Variants in SUGCT observed in about 807,000 individuals in gnomAD.
SUGCT encodes the protein succinyl-CoA:glutarate CoA-transferase.
SUGCT carries 41 observed loss-of-function variants against 55.0 expected under a neutral mutation model. The observed-to-expected ratio is 0.74, with a 90% CI of 0.58 to 0.97. SUGCT has a LOEUF of 0.97. SUGCT is among the 50% of genes least tolerant of loss of function. SUGCT has a pLI of 0.00. For missense variants in SUGCT, 568 were observed against 547.8 expected (o/e 1.04, Z -0.37); for synonymous variants, 187 against 200.4 (o/e 0.93, Z 0.56).
intron 9 of SUGCT, among the ~76,000 whole-genome samples, chr7:40,422,661 A>G (rs1156234652): frequency 6.6e-6 from 1 of 152,178 alleles, no homozygotes; most frequent in South Asian, 2.1e-4. Flanking sequence ...TAGGCACTCA[A>G]TGAATATTTG....
At chr7:40,336,291 T>A (rs1297745311) in intron 9 of SUGCT, among the ~76,000 whole-genome samples, 1 of 152,176 alleles carries the variant, frequency 6.6e-6, no homozygotes, top group Non-Finnish European at 1.5e-5. Context: ...CTCCTTCTTT[T>A]TCTGTTGTTT....
chr7:40,337,708 C>G (rs1197797613), intron 9 of SUGCT, among the ~76,000 whole-genome samples: 1 of 152,148 alleles, frequency 6.6e-6, no homozygotes, highest in East Asian at 1.9e-4. Context: ...ATCCAATTTG[C>G]CAGTCTGTGT....
In SUGCT at chr7:40,674,889, G is replaced by C. The variant is rs564223191; in HGVS notation, c.1090-74545G>C. Reference sequence around the variant, plus strand: ...GAGAAGTTCTGCCGTCCATGATGCAGAAGGTGGAGGTGAGTGCTGTATATT... The same window carrying C: ...GAGAAGTTCTGCCGTCCATGATGCACAAGGTGGAGGTGAGTGCTGTATATT... On this transcript the variant is annotated intron_variant, in intron 12 of 13. Coordinates refer to ENST00000335693, the MANE Select transcript of SUGCT (RefSeq NM_001193313.2). Among the ~76,000 whole-genome samples, 5 of 152,220 alleles carry C rather than the reference G, an allele frequency of 3.3e-5. No homozygotes were observed. The South Asian group carries it at 1.0e-3, about 32-fold the overall frequency.
At chr7:40,590,733 A>C (rs954391556) in intron 12 of SUGCT, among the ~76,000 whole-genome samples, 2 of 152,152 alleles carry the variant, frequency 1.3e-5, no homozygotes. Flanking sequence ...TGGTTACTTT[A>C]AGGTGGAGCC....
At chr7:40,324,101 G>A (rs1157584393) in intron 9 of SUGCT, among the ~76,000 whole-genome samples, 2 of 151,692 alleles carry the variant, frequency 1.3e-5, no homozygotes, top group Non-Finnish European at 2.9e-5. Flanking sequence ...CCTATATATA[G>A]ATCACTGCAT....
At chr7:40,738,916 A>C (rs1787317359) in intron 12 of SUGCT, among the ~76,000 whole-genome samples, 1 of 152,224 alleles carries the variant, frequency 6.6e-6, no homozygotes, top group African/African-American at 2.4e-5. Flanking sequence ...ATTAGGAACA[A>C]GATAAAAATG....
chr7:40,355,010 C>CATTACGAG (rs1797821772), intron 9 of SUGCT, among the ~76,000 whole-genome samples: 1 of 152,072 alleles, frequency 6.6e-6, no homozygotes, highest in Non-Finnish European at 1.5e-5. Context: ...ATTGGGAAAT[C>CATTACGAG]GTACCTCAGT....
the SUGCT span, among the ~76,000 whole-genome samples, chr7:40,897,345 AACT>A: frequency 9.2e-5 from 14 of 152,126 alleles, no homozygotes; most frequent in Non-Finnish European, 8.8e-5. Context: ...AATAGAATTA[AACT>A]ACTGATATTT....
At chr7:40,254,686 C>A (rs1241463843) in intron 7 of SUGCT, among the ~76,000 whole-genome samples, 1 of 151,770 alleles carries the variant, frequency 6.6e-6, no homozygotes, top group African/African-American at 2.4e-5. Context: ...TCAGCCACCG[C>A]ACCCAGCCAA....
the SUGCT span, among the ~76,000 whole-genome samples, chr7:40,932,858 C>T: frequency 6.6e-6 from 1 of 151,708 alleles, no homozygotes; most frequent in Non-Finnish European, 1.5e-5. Flanking sequence ...CTCAATACAG[C>T]ACACTGATGG....
At chr7:40,887,850 C>A in the SUGCT span, among the ~76,000 whole-genome samples, 1 of 151,950 alleles carries the variant, frequency 6.6e-6, no homozygotes, top group African/African-American at 2.4e-5. Context: ...AAGAAGTGCC[C>A]AATAAATTTG....
chr7:40,892,702 T>TA, the SUGCT span, among the ~76,000 whole-genome samples: 1 of 152,036 alleles, frequency 6.6e-6, no homozygotes, highest in African/African-American at 2.4e-5. Context: ...CTTGACTAAT[T>TA]AAAAAAATTT....
intron 12 of SUGCT, among the ~76,000 whole-genome samples, chr7:40,640,394 C>T (rs575599748): frequency 6.6e-6 from 1 of 152,292 alleles, no homozygotes; most frequent in Non-Finnish European, 1.5e-5. Context: ...AATAAATATA[C>T]TACACTTAGT....
rs539602960 is a variant in SUGCT, at chr7:40,790,231, G to A, written c.1153+40734G>A. Among the ~76,000 whole-genome samples, 3 of 152,278 alleles carry A rather than the reference G, an allele frequency of 2.0e-5. No individual in the cohort carries two copies. The East Asian group carries it at 5.8e-4, about 29-fold the overall frequency. On this transcript the variant is annotated intron_variant, in intron 13 of 13. Coordinates refer to ENST00000335693, the MANE Select transcript of SUGCT (RefSeq NM_001193313.2). ...CCAGCTACTGTTCTCATGCTAGTGA[G>A]TGAGTTCTCACCAGATCTGAATGTT...
At chr7:40,153,010 A>T in intron 1 of SUGCT, 1 of 193,172 alleles carries the variant, frequency 5.2e-6, no homozygotes, top group South Asian at 8.9e-5. Context: ...CAGCCAATTA[A>T]TGTTGATTTT....
intron 12 of SUGCT, among the ~76,000 whole-genome samples, chr7:40,735,854 G>C (rs1304863774): frequency 6.6e-6 from 1 of 152,058 alleles, no homozygotes; most frequent in Non-Finnish European, 1.5e-5. Context: ...CAAATCTACT[G>C]TCCTATATAT....
intron 12 of SUGCT, chr7:40,538,240 G>C (rs1449494703): frequency 6.6e-6 from 1 of 152,084 alleles, no homozygotes; most frequent in Non-Finnish European, 1.5e-5. Context: ...TAAAGGTAAT[G>C]AACATATTCA....
At chr7:40,313,780 A>G (rs1277634167) in intron 8 of SUGCT, among the ~76,000 whole-genome samples, 1 of 149,620 alleles carries the variant, frequency 6.7e-6, no homozygotes, top group East Asian at 2.0e-4. Context: ...TTTAGTAGAG[A>G]CAAGGTTTGC....
chr7:40,943,268 T>TTTA, the SUGCT span, among the ~76,000 whole-genome samples: 137 of 151,068 alleles, frequency 9.1e-4, 1 homozygote, highest in South Asian at 9.0e-3. Context: ...GTGACTTTAT[T>TTTA]TTATTATTAT....
Sources: gnomAD v4.1 joint callset for allele counts (sites outside exome capture counted in the v4.1 genomes callset) on GRCh38, gnomAD v4.1.1 for gene constraint, MANE v1.5 for transcripts, NCBI Gene and HGNC (gene_info 2026-07-23, HGNC 2026-07-21) for gene names.